COPA: variants seen among roughly 807,000 people sequenced by gnomAD.
The protein encoded by COPA is coat protein complex I subunit alpha.
A neutral mutation model predicts 158.7 loss-of-function variants in COPA; 10 were observed. That is an observed-to-expected ratio of 0.06 (90% CI 0.04 to 0.11). The LOEUF is 0.11. Ranked by LOEUF, COPA falls within the 10% of genes least tolerant of loss-of-function variation. The probability of loss-of-function intolerance (pLI) is 1.00; values close to 1 mark genes in which losing one functional copy is unlikely to be tolerated. For missense variants in COPA, 1,065 were observed against 1,536.7 expected (o/e 0.69, Z 5.13); for synonymous variants, 462 against 542.8 (o/e 0.85, Z 2.07).
At position 160,292,299 on chromosome 1, in the gene COPA, T is replaced by C. The variant is rs1571147899; in HGVS notation, c.2961-101A>G. ...TCCTCATAGCTACCCTCCTGTCTCCTGTTAAAGTAGCTGGGGAAGAGGATG... is the reference window on the plus strand; with the variant it reads ...TCCTCATAGCTACCCTCCTGTCTCCCGTTAAAGTAGCTGGGGAAGAGGATG... On this transcript the variant is annotated intron_variant, in intron 28 of 32. Coordinates refer to ENST00000241704, the MANE Select transcript of COPA (RefSeq NM_004371.4). The C allele has an allele frequency of 1.9e-6, 3 of 1,550,982 alleles. No individual in the cohort carries two copies. In the East Asian group the frequency reaches 6.7e-5, roughly 35 times the overall value.
At position 160,312,019 on chromosome 1, in the gene COPA, C is replaced by CTGGG. The variant is rs780637739; in HGVS notation, c.926-5_926-2dup. On this transcript the variant is annotated splice_acceptor_variant, in intron 10 of 32. Transcript: ENST00000241704. LOFTEE classifies it high-confidence loss of function. ...AACACAATCATACCACCATCATGGCCTGGGGGACAGGGAGAGGAGGAGAAA... is the reference window on the plus strand; with the variant it reads ...AACACAATCATACCACCATCATGGCCTGGGTGGGGGACAGGGAGAGGAGGAGAAA... 1.1e-5 allele frequency: 18 copies of CTGGG among 1,612,710 alleles called. No individual in the cohort carries two copies. The highest frequency in any genetic ancestry group is 8.8e-5 in the South Asian group (8 of 90,854).
chr1:160,342,986 C>T, intron 1 of COPA, 145 bp downstream of exon 1: 1 of 987,610 alleles, frequency 1.0e-6, no homozygotes. Flanking sequence ...GCTAGCCAGG[C>T]CCAACCTCTC....
chr1:160,312,039 G>C, intron 10 of COPA, 21 bp from the exon 11 acceptor site: 1 of 1,606,100 alleles, frequency 6.2e-7, no homozygotes, highest in South Asian at 1.1e-5. Context: ...GGGAGAGGAG[G>C]AGAAAAAATT....
chr1:160,310,510 G>T (rs544621465), intron 11 of COPA: 19 of 288,410 alleles, frequency 6.6e-5, no homozygotes, highest in African/African-American at 4.0e-4. Flanking sequence ...CAGAAGGTAG[G>T]TAGGGTTAAC....
In COPA at chr1:160,335,229, C is replaced by A. The variant is rs761075873; in HGVS notation, c.309+13G>T. 1 of 1,600,298 alleles carries A rather than the reference C, an allele frequency of 6.2e-7. No individual in the cohort carries two copies. ...AAGAATGCTCCAAAACTAGCGCCAC[C>A]ATGACTACTTACATGATGAAAAAAC... On this transcript the variant is annotated intron_variant, in intron 4 of 32. Transcript: ENST00000241704.
chr1:160,317,412 G>T lies in COPA; in HGVS notation c.707-3287C>A, dbSNP rs1233858659. 1.9e-6 allele frequency: 3 copies of T among 1,607,778 alleles called. No individual in the cohort carries two copies. In the Admixed American group the frequency reaches 5.0e-5, roughly 27 times the overall value. ...AAGCCACTGTCATCATGTCTGACCA[G>T]GAGGCAAAACCTTCAACTGAGGACT... On this transcript the variant is annotated intron_variant, in intron 8 of 32. Coordinates refer to ENST00000241704, the MANE Select transcript of COPA (RefSeq NM_004371.4).
At chr1:160,335,119 G>A in intron 4 of COPA, 123 bp downstream of exon 4, 1 of 762,806 alleles carries the variant, frequency 1.3e-6, no homozygotes, top group Non-Finnish European at 2.1e-6. Flanking sequence ...ATACCACACA[G>A]ATTGTAGAAG....
At chr1:160,340,568 T>C (rs1324695361) in intron 1 of COPA, among the ~76,000 whole-genome samples, 3 of 152,186 alleles carry the variant, frequency 2.0e-5, no homozygotes, top group African/African-American at 7.2e-5. Context: ...TAGGTTTTAT[T>C]ACAGAGGGGC....
At chr1:160,316,184 C>G (rs1405513487) in intron 8 of COPA, among the ~76,000 whole-genome samples, 2 of 151,680 alleles carry the variant, frequency 1.3e-5, no homozygotes, top group Non-Finnish European at 2.9e-5. Context: ...ATAGTGAAAC[C>G]CTGTTTCTAC....
chr1:160,328,725 C>T (rs937951127), intron 6 of COPA, among the ~76,000 whole-genome samples: 1 of 152,150 alleles, frequency 6.6e-6, no homozygotes, highest in African/African-American at 2.4e-5. Context: ...TACTTAGAAG[C>T]TCAAGTTAAG....
intron 19 of COPA, 69 bp downstream of exon 19, chr1:160,298,776 C>A: frequency 6.4e-7 from 1 of 1,560,614 alleles, no homozygotes; most frequent in South Asian, 1.2e-5. Context: ...CAGAATAATG[C>A]CCTCCCAATG....
In COPA at chr1:160,323,480, A is replaced by C. The variant is rs1571174206; in HGVS notation, c.657T>G (p.Leu219=). ...GACGATCATCTGCCCCAGATACAAT[A>C]AGGGGCATAGTGGGGTGGAAGGCAG... ...NWAAFHPTMP[L]IVSGADDRQV... The change falls in exon 8 of 33, where the codon CTT becomes CTG. Residue 219 remains leucine (L), a synonymous_variant. Coordinates refer to ENST00000241704, the MANE Select transcript of COPA (RefSeq NM_004371.4). 3.7e-6 allele frequency: 6 copies of C among 1,611,008 alleles called. No homozygotes were observed. The Admixed American group carries it at 6.7e-5, about 18-fold the overall frequency.
Position 160,293,460 on chromosome 1 carries a change from T to A in COPA, c.2680A>T (p.Ile894Leu). 1 of 1,582,044 alleles carries A rather than the reference T, an allele frequency of 6.3e-7. No homozygotes were observed. The highest frequency in any genetic ancestry group is 8.5e-7 in the Non-Finnish European group (1 of 1,170,462). Residue 894 changes from isoleucine to leucine, a missense_variant, in exon 26 of 33, where the codon ATA becomes TTA. Transcript: ENST00000241704. ...EDLELPPELD[I>L]SPGAAGGAED... ...GCCCCACCAGCTGCCCCAGGGGATA[T>A]ATCCTAGGGGAAAAACAAAAATTGA...
At chr1:160,329,432 T>C (rs1208181876) in intron 6 of COPA, among the ~76,000 whole-genome samples, 2 of 152,124 alleles carry the variant, frequency 1.3e-5, no homozygotes, top group South Asian at 2.1e-4. Context: ...TTCTCTGATC[T>C]AGGGCCCTTA....
chr1:160,292,459 G>A (rs1302382672), intron 28 of COPA, 25 bp downstream of exon 28: 8 of 1,612,974 alleles, frequency 5.0e-6, no homozygotes, highest in Non-Finnish European at 6.8e-6. Flanking sequence ...TGGAACAGAT[G>A]AAAGCAAAGA....
intron 1 of COPA, 99 bp downstream of exon 1, chr1:160,343,032 G>T: frequency 7.0e-7 from 1 of 1,426,090 alleles, no homozygotes; most frequent in Non-Finnish European, 9.9e-7. Context: ...CCGTCTGGTG[G>T]GCCCATTTCG....
chr1:160,329,435 G>A (rs1647403176), intron 6 of COPA, among the ~76,000 whole-genome samples: 1 of 151,564 alleles, frequency 6.6e-6, no homozygotes, highest in Admixed American at 6.6e-5. Flanking sequence ...TCTGATCTAG[G>A]GCCCTTAATT....
intron 8 of COPA, among the ~76,000 whole-genome samples, chr1:160,321,746 C>G (rs1659335345): frequency 6.6e-6 from 1 of 152,080 alleles, no homozygotes; most frequent in Admixed American, 6.6e-5. Context: ...CAAGATCGAG[C>G]CACTGTACTC....
Position 160,296,148 on chromosome 1 carries a change from C to T in COPA, c.2265G>A (p.Lys755=). ...RVRILKNCGQ[K]SLAYLTAATH... is the part of the protein sequence containing the mutation. ...TAGCAGCTGTGAGATAGGCCAGGGACTCTGTAGAGAAAACAGACTTTGTGG... is the reference window on the plus strand; with the variant it reads ...TAGCAGCTGTGAGATAGGCCAGGGATTCTGTAGAGAAAACAGACTTTGTGG... Residue 755 remains lysine (K), a splice_region_variant and synonymous_variant, in exon 22 of 33, where the codon AAG becomes AAA. Coordinates refer to ENST00000241704, the MANE Select transcript of COPA (RefSeq NM_004371.4). 3.1e-6 allele frequency: 5 copies of T among 1,614,064 alleles called. No individual in the cohort carries two copies. The highest frequency in any genetic ancestry group is 4.2e-6 in the Non-Finnish European group (5 of 1,179,918).
Sources: allele counts gnomAD v4.1 joint callset (sites outside exome capture counted in the v4.1 genomes callset), GRCh38; gene constraint gnomAD v4.1.1; transcripts MANE v1.5; gene names NCBI Gene and HGNC (gene_info 2026-07-23, HGNC 2026-07-21).